Variants in IQGAP2 observed in about 807,000 individuals in gnomAD.
IQGAP2 encodes IQ motif containing GTPase activating protein 2.
IQGAP2 carries 173 observed loss-of-function variants against 201.3 expected under a neutral mutation model. That is an observed-to-expected ratio of 0.86 (90% confidence interval 0.76 to 0.98). The LOEUF (loss-of-function observed/expected upper bound fraction) is 0.98. Ranked by LOEUF, IQGAP2 falls within the 50% of genes least tolerant of loss-of-function variation. The pLI, the probability that IQGAP2 is intolerant of heterozygous loss-of-function variation, is 0.00. For synonymous variants in IQGAP2, 675 were observed against 673.9 expected, an observed-to-expected ratio of 1.00 and a Z score of -0.03; for missense variants, 1,687 against 1,864.8, an observed-to-expected ratio of 0.90 and a Z score of 1.76.
chr5:76,702,934 C>T (rs986465973), intron 35 of IQGAP2, among the ~76,000 whole-genome samples: 1 of 145,282 alleles, frequency 6.9e-6, no homozygotes. Context: ...CTTTCTAAGA[C>T]TATGTATGCC....
intron 1 of IQGAP2, among the ~76,000 whole-genome samples, chr5:76,414,412 A>G (rs1404124318): frequency 6.6e-6 from 1 of 152,220 alleles, no homozygotes; most frequent in Non-Finnish European, 1.5e-5. Flanking sequence ...ACTCTTAGGA[A>G]GTTTGTCCAA....
intron 5 of IQGAP2, among the ~76,000 whole-genome samples, chr5:76,585,257 A>G (rs1746160921): frequency 6.6e-6 from 1 of 152,194 alleles, no homozygotes; most frequent in South Asian, 2.1e-4. Flanking sequence ...AATATATATT[A>G]AAGATGCAGC....
chr5:76,417,932 G>A (rs1301311259), intron 1 of IQGAP2, among the ~76,000 whole-genome samples: 1 of 151,614 alleles, frequency 6.6e-6, no homozygotes, highest in Non-Finnish European at 1.5e-5. Flanking sequence ...TTCCTGGCTG[G>A]GCGCGGTGGC....
chr5:76,602,080 A>G (rs765801329), intron 11 of IQGAP2, among the ~76,000 whole-genome samples: 1 of 152,184 alleles, frequency 6.6e-6, no homozygotes, highest in Non-Finnish European at 1.5e-5. Flanking sequence ...CTCGTGCTCT[A>G]AAGAGCCTGC....
chr5:76,550,479 T>C (rs1743380339), intron 2 of IQGAP2, among the ~76,000 whole-genome samples: 1 of 152,084 alleles, frequency 6.6e-6, no homozygotes, highest in African/African-American at 2.4e-5. Context: ...TCTCTGGTTT[T>C]CCTAGGCAGA....
At chr5:76,651,952 A>AT (rs777384364) in intron 17 of IQGAP2, among the ~76,000 whole-genome samples, 4 of 151,360 alleles carry the variant, frequency 2.6e-5, no homozygotes, top group East Asian at 3.9e-4. Context: ...AAAAAATTTG[A>AT]TTTTTTATAT....
Position 76,673,539 on chromosome 5 carries a change from G to A in IQGAP2, c.3159G>A (p.Arg1053=). Residue 1053 remains arginine, a synonymous_variant, in exon 25 of 36, where the codon AGG becomes AGA. Transcript: ENST00000274364. ...AGGCTTCCATTGAGAACCTGAGAAGGGTCACCGACAAAGTCCTGAATTCTA... is the reference window on the plus strand; with the variant it reads ...AGGCTTCCATTGAGAACCTGAGAAGAGTCACCGACAAAGTCCTGAATTCTA... ...KLEASIENLR[R]VTDKVLNSII... 1 of 1,613,950 alleles carries A rather than the reference G, an allele frequency of 6.2e-7. No individual in the cohort carries two copies. The highest frequency in any genetic ancestry group is 8.5e-7 in the Non-Finnish European group (1 of 1,179,920).
At chr5:76,578,608 G>A (rs993363755) in intron 5 of IQGAP2, among the ~76,000 whole-genome samples, 2 of 152,072 alleles carry the variant, frequency 1.3e-5, no homozygotes, top group African/African-American at 2.4e-5. Context: ...CACCACGCCC[G>A]GCCACATCAT....
intron 11 of IQGAP2, among the ~76,000 whole-genome samples, chr5:76,603,895 T>A (rs1747607295): frequency 1.3e-5 from 2 of 152,176 alleles, no homozygotes; most frequent in African/African-American, 4.8e-5. Context: ...TACGGAATAT[T>A]TCCCAAAGTT....
chr5:76,700,458 C>A (rs563529261), intron 33 of IQGAP2, among the ~76,000 whole-genome samples: 4 of 152,072 alleles, frequency 2.6e-5, no homozygotes, highest in African/African-American at 9.7e-5. Flanking sequence ...GCCAAGATCA[C>A]GCCACTGCAC....
intron 3 of IQGAP2, among the ~76,000 whole-genome samples, chr5:76,567,133 T>C (rs1744805284): frequency 6.6e-6 from 1 of 152,232 alleles, no homozygotes; most frequent in Non-Finnish European, 1.5e-5. Flanking sequence ...CAGTGTGAAC[T>C]GTAGAATCAA....
At chr5:76,555,126 T>C (rs1035553782) in intron 2 of IQGAP2, among the ~76,000 whole-genome samples, 1 of 152,176 alleles carries the variant, frequency 6.6e-6, no homozygotes, top group Non-Finnish European at 1.5e-5. Flanking sequence ...AGTAGATTAG[T>C]GTGTTAGGGG....
At chr5:76,576,251 T>C (rs1189308692) in intron 5 of IQGAP2, among the ~76,000 whole-genome samples, 1 of 152,196 alleles carries the variant, frequency 6.6e-6, no homozygotes, top group Non-Finnish European at 1.5e-5. Context: ...TTCAATAGAA[T>C]TTGTACCCTA....
At chr5:76,487,930 G>A (rs2150152307) in intron 2 of IQGAP2, among the ~76,000 whole-genome samples, 2 of 152,334 alleles carry the variant, frequency 1.3e-5, no homozygotes, top group South Asian at 4.1e-4. Flanking sequence ...TGGGGACAAG[G>A]AATAAGCTTT....
At chr5:76,557,274 A>G (rs1744014443) in intron 2 of IQGAP2, among the ~76,000 whole-genome samples, 1 of 152,194 alleles carries the variant, frequency 6.6e-6, no homozygotes, top group Non-Finnish European at 1.5e-5. Context: ...AACCTCAGAT[A>G]TCATGTCAGA....
At chr5:76,553,718 G>T (rs1381976619) in intron 2 of IQGAP2, among the ~76,000 whole-genome samples, 1 of 152,134 alleles carries the variant, frequency 6.6e-6, no homozygotes, top group African/African-American at 2.4e-5. Context: ...CCCTAAAAAG[G>T]AAGATGAGGT....
rs192911747 is a variant in IQGAP2 at position 76,647,506 on chromosome 5, G to A, written c.2095-5244G>A. Among the ~76,000 whole-genome samples, 418 of 110,484 alleles carry A rather than the reference G, an allele frequency of 3.8e-3. 1 individual carries two copies. Among genetic ancestry groups the A allele is most frequent in the African/African-American group, 0.015 (399 of 26,890 alleles). The allele number at this position is 110,484 out of a possible 152,430, so 72.5% of individuals were successfully genotyped here. A position where few individuals can be genotyped will look rare whatever the true frequency, so the allele number is the denominator to read the frequency against. ...CGGTTTCCCCCATACTGTTCTTGTG[G>A]TAGTGAATAAGTCTCATGAGATGGT... On this transcript the variant is annotated intron_variant, in intron 17 of 35. Transcript: ENST00000274364.
At chr5:76,622,205 C>G (rs999399568) in intron 13 of IQGAP2, among the ~76,000 whole-genome samples, 1 of 152,088 alleles carries the variant, frequency 6.6e-6, no homozygotes, top group Non-Finnish European at 1.5e-5. Context: ...CTATTAGCGT[C>G]TTGAAGGAAC....
chr5:76,658,729 G>A, intron 21 of IQGAP2, 62 bp downstream of exon 21: 2 of 1,358,920 alleles, frequency 1.5e-6, no homozygotes, highest in South Asian at 2.4e-5. Flanking sequence ...ATACAGTCAA[G>A]AGTCACTTAA....
Sources: gnomAD v4.1 joint callset for allele counts (sites outside exome capture counted in the v4.1 genomes callset) on GRCh38, gnomAD v4.1.1 for gene constraint, MANE v1.5 for transcripts, NCBI Gene and HGNC (gene_info 2026-07-23, HGNC 2026-07-21) for gene names.